The following CPPED1 variants were observed in gnomAD, a reference collection of about 807,000 sequenced individuals.
CPPED1 encodes calcineurin like phosphoesterase domain containing 1.
A neutral mutation model predicts 28.0 loss-of-function variants in CPPED1; 28 were observed. That is an observed-to-expected ratio of 1.00 (90% CI 0.74 to 1.37). The LOEUF is 1.37. Among genes scored for constraint, CPPED1 ranks in the 40% most tolerant of loss-of-function variants. CPPED1 has a pLI of 0.00. For missense variants in CPPED1, 504 were observed against 416.5 expected, an observed-to-expected ratio of 1.21 and a Z score of -1.83; for synonymous variants, 198 against 180.2, an observed-to-expected ratio of 1.10 and a Z score of -0.79.
In CPPED1 at chr16:12,687,741, G is replaced by C. The variant is rs564992257; in HGVS notation, c.715+16883C>G. Among the ~76,000 whole-genome samples the C allele has an allele frequency of 2.3e-4, 35 of 152,214 alleles. No homozygotes were observed. The South Asian group carries it at 7.1e-3, about 31-fold the overall frequency. ...GGAATAGAGGAAAGAGAGGCACCAG[G>C]TCACAATACTCCTGTGTATTGATGG... On this transcript the variant is annotated intron_variant, in intron 3 of 3. Transcript: ENST00000381774.
intron 2 of CPPED1, among the ~76,000 whole-genome samples, chr16:12,731,861 GA>G (rs906004217): frequency 4.7e-5 from 7 of 147,820 alleles, no homozygotes; most frequent in Non-Finnish European, 7.5e-5. Context: ...TGGGGAGGAG[GA>G]AAAAAAAAAC....
chr16:12,701,168 G>A (rs964692752), intron 3 of CPPED1, among the ~76,000 whole-genome samples: 2 of 151,968 alleles, frequency 1.3e-5, no homozygotes, highest in East Asian at 1.9e-4. Flanking sequence ...ATCCAGGGCT[G>A]CAGTGAGCTA....
At chr16:12,707,612 C>T (rs2080058477) in intron 2 of CPPED1, among the ~76,000 whole-genome samples, 1 of 152,108 alleles carries the variant, frequency 6.6e-6, no homozygotes, top group African/African-American at 2.4e-5. Context: ...GGAAAAATGT[C>T]CGAATCCCTA....
intron 3 of CPPED1, among the ~76,000 whole-genome samples, chr16:12,672,339 G>A (rs1365401702): frequency 1.3e-5 from 2 of 152,330 alleles, no homozygotes; most frequent in East Asian, 3.9e-4. Flanking sequence ...TATCCGGGCT[G>A]TACCTGTGGA....
At chr16:12,766,815 G>C (rs1035404755) in intron 2 of CPPED1, among the ~76,000 whole-genome samples, 1 of 152,168 alleles carries the variant, frequency 6.6e-6, no homozygotes, top group Non-Finnish European at 1.5e-5. Flanking sequence ...AAGCACAGGA[G>C]GTAGGCTCTA....
intron 2 of CPPED1, among the ~76,000 whole-genome samples, chr16:12,768,184 G>C (rs958266974): frequency 6.6e-6 from 1 of 152,074 alleles, no homozygotes; most frequent in African/African-American, 2.4e-5. Context: ...TTCGCCCTGC[G>C]GTTTTGTCTT....
intron 2 of CPPED1, among the ~76,000 whole-genome samples, chr16:12,718,500 C>A (rs1316430236): frequency 1.4e-5 from 2 of 139,700 alleles, no homozygotes; most frequent in African/African-American, 5.4e-5. Flanking sequence ...AATTGTGCCA[C>A]TGCATTGCAG....
At chr16:12,669,824 G>T (rs553609096) in intron 3 of CPPED1, among the ~76,000 whole-genome samples, 1 of 152,270 alleles carries the variant, frequency 6.6e-6, no homozygotes, top group South Asian at 2.1e-4. Flanking sequence ...AAATACAGAA[G>T]ATGAACCTGG....
chr16:12,689,075 G>C (rs2079948634), intron 3 of CPPED1, among the ~76,000 whole-genome samples: 1 of 152,166 alleles, frequency 6.6e-6, no homozygotes, highest in African/African-American at 2.4e-5. Context: ...GTCCAACAAT[G>C]ACAAGAGTTA....
At chr16:12,764,513 A>AT (rs775221868) in intron 2 of CPPED1, among the ~76,000 whole-genome samples, 3 of 151,252 alleles carry the variant, frequency 2.0e-5, no homozygotes, top group African/African-American at 7.3e-5. Context: ...AAATTTTTGA[A>AT]TTTTTTTGTA....
intron 2 of CPPED1, among the ~76,000 whole-genome samples, chr16:12,734,322 G>A (rs867383546): frequency 6.6e-6 from 1 of 151,840 alleles, no homozygotes; most frequent in Non-Finnish European, 1.5e-5. Flanking sequence ...TGCCCACCTC[G>A]GCCTCCTGAA....
chr16:12,732,063 T>C (rs562217038), intron 2 of CPPED1, among the ~76,000 whole-genome samples: 1 of 151,510 alleles, frequency 6.6e-6, no homozygotes, highest in South Asian at 2.1e-4. Flanking sequence ...CTCAGGAGGC[T>C]GGGGCAGTAG....
Position 12,670,617 on chromosome 16 carries a change from T to C in CPPED1, c.716-5502A>G, listed in dbSNP as rs73504055. Among the ~76,000 whole-genome samples, 2,118 of 152,268 alleles carry C rather than the reference T, an allele frequency of 0.014. 51 individuals are homozygous for C. The highest frequency in any genetic ancestry group is 0.048 in the African/African-American group (2,013 of 41,540). On this transcript the variant is annotated intron_variant, in intron 3 of 3. Transcript: ENST00000381774. This position sits in a 1 kb window ranked among gnomAD's most constrained non-coding sequence, Gnocchi z 4.2. ...GATATGAATGTGATAGAAATGGCAC[T>C]TCACCTCTGTGGTCTTCCTCTCCCA...
rs1027629262 is a variant in CPPED1 at position 12,704,644 on chromosome 16, G to C, written c.695C>G (p.Ala232Gly). 6.2e-7 allele frequency: 1 copy of C among 1,610,820 alleles called. No homozygotes were observed. Among genetic ancestry groups the C allele is most frequent in the African/African-American group, 1.3e-5 (1 of 74,866 alleles). Residue 232 changes from alanine to glycine, a missense_variant, in exon 3 of 4, where the codon GCA (alanine) becomes GGA (glycine). Transcript: ENST00000381774. ...TCTACCTGCGTGGATGAACTTGTCT[G>C]CCAACTTCTTCCGAGTGGACTTGCT... ...NLSKSTRKKL[A>G]DKFIHAGVKV...
At chr16:12,752,074 C>A (rs1596471539) in intron 2 of CPPED1, among the ~76,000 whole-genome samples, 2 of 152,292 alleles carry the variant, frequency 1.3e-5, no homozygotes, top group South Asian at 2.1e-4. Context: ...AATTACTGAG[C>A]ACAACTTTGC....
chr16:12,714,018 A>C (rs903040122), intron 2 of CPPED1, among the ~76,000 whole-genome samples: 2 of 152,182 alleles, frequency 1.3e-5, no homozygotes, highest in African/African-American at 4.8e-5. Context: ...ATTTCATAGA[A>C]ATAGAATCAT....
intron 1 of CPPED1, among the ~76,000 whole-genome samples, chr16:12,782,703 T>C (rs940654157): frequency 4.6e-5 from 7 of 151,650 alleles, no homozygotes; most frequent in African/African-American, 9.7e-5. Context: ...CTATCAAAAA[T>C]ATAAAAATTA....
intron 2 of CPPED1, among the ~76,000 whole-genome samples, chr16:12,722,933 G>A (rs931950978): frequency 1.3e-5 from 2 of 152,140 alleles, no homozygotes; most frequent in African/African-American, 4.8e-5. Context: ...GAAATGAGCT[G>A]AGGGCAGAAA....
chr16:12,701,661 G>A (rs1247907863), intron 3 of CPPED1, among the ~76,000 whole-genome samples: 1 of 152,218 alleles, frequency 6.6e-6, no homozygotes, highest in Non-Finnish European at 1.5e-5. Flanking sequence ...GGGGGTGGAG[G>A]GAAGCCTCAT....
Sources: gnomAD v4.1 joint callset for allele counts (sites outside exome capture counted in the v4.1 genomes callset) on GRCh38, gnomAD v4.1.1 for gene constraint, Gnocchi (gnomAD v3.1) non-coding constraint, MANE v1.5 for transcripts, NCBI Gene and HGNC (gene_info 2026-07-23, HGNC 2026-07-21) for gene names.